Variants in DAB1 observed in about 807,000 individuals in gnomAD.
The protein encoded by DAB1 is DAB adaptor protein 1, also known as disabled homolog 1.
A neutral mutation model predicts 64.6 loss-of-function variants in DAB1; 15 were observed. That is an observed-to-expected ratio of 0.23 (90% CI 0.16 to 0.36). DAB1 has a LOEUF of 0.36. Ranked by LOEUF, DAB1 falls within the 10% of genes least tolerant of loss-of-function variation. DAB1 has a pLI of 1.00. For missense variants in DAB1, 596 were observed against 706.7 expected (o/e 0.84, Z 1.78); for synonymous variants, 235 against 251.9 (o/e 0.93, Z 0.64).
intron 5 of DAB1, among the ~76,000 whole-genome samples, chr1:58,075,262 G>T (rs968975126): frequency 6.6e-6 from 1 of 152,162 alleles, no homozygotes; most frequent in South Asian, 2.1e-4. Flanking sequence ...AGTTAGTAAA[G>T]TCTGTTCAAA....
chr1:57,298,463 C>T (rs1482841370), intron 1 of DAB1, among the ~76,000 whole-genome samples: 1 of 152,146 alleles, frequency 6.6e-6, no homozygotes, highest in Admixed American at 6.5e-5. Context: ...AGCTTTAAAA[C>T]TTTGAAGCTC....
At chr1:58,416,238 C>T (rs1644718701) in intron 3 of DAB1, among the ~76,000 whole-genome samples, 1 of 152,144 alleles carries the variant, frequency 6.6e-6, no homozygotes, top group South Asian at 2.1e-4. Context: ...GAGCCTCTGG[C>T]CTGGCAGTGC....
intron 3 of DAB1, among the ~76,000 whole-genome samples, chr1:58,440,263 T>C (rs149691415): frequency 1.3e-5 from 2 of 152,364 alleles, no homozygotes; most frequent in African/African-American, 4.8e-5. Context: ...TAGTCATTTA[T>C]TCAGCACTCA....
intron 3 of DAB1, among the ~76,000 whole-genome samples, chr1:58,471,582 C>T (rs979256265): frequency 2.0e-5 from 3 of 152,238 alleles, no homozygotes; most frequent in East Asian, 1.9e-4. Flanking sequence ...AATCTCATGT[C>T]GAATTGTATG....
intron 4 of DAB1, among the ~76,000 whole-genome samples, chr1:58,208,100 C>G (rs1658372041): frequency 6.6e-6 from 1 of 152,084 alleles, no homozygotes; most frequent in Non-Finnish European, 1.5e-5. Context: ...ATCACATGAA[C>G]AGCATAGAGG....
At chr1:57,182,107 G>T (rs7549359) in intron 2 of DAB1, among the ~76,000 whole-genome samples, 1 of 152,068 alleles carries the variant, frequency 6.6e-6, no homozygotes, top group East Asian at 1.9e-4. Flanking sequence ...GGATAGTCTC[G>T]ATCTCCTGAC....
intron 5 of DAB1, among the ~76,000 whole-genome samples, chr1:58,083,352 T>TTTCA (rs1650112832): frequency 1.3e-5 from 2 of 152,208 alleles, no homozygotes; most frequent in Non-Finnish European, 2.9e-5. Flanking sequence ...TACCACAGCA[T>TTTCA]TTCAGTCTTT....
intron 4 of DAB1, among the ~76,000 whole-genome samples, chr1:57,117,961 C>A (rs2100743308): frequency 6.6e-6 from 1 of 152,292 alleles, no homozygotes; most frequent in East Asian, 1.9e-4. Flanking sequence ...TGGCTTGCTG[C>A]ATCAGGAGCC....
chr1:58,228,125 AAG>A (rs1279584928), intron 4 of DAB1, among the ~76,000 whole-genome samples: 1 of 152,198 alleles, frequency 6.6e-6, no homozygotes, highest in Non-Finnish European at 1.5e-5. Flanking sequence ...CACATGGAGT[AAG>A]AGATGGAGCA....
intron 4 of DAB1, among the ~76,000 whole-genome samples, chr1:58,301,139 A>C (rs953990145): frequency 1.7e-4 from 26 of 149,432 alleles, no homozygotes; most frequent in Non-Finnish European, 3.7e-4. Context: ...CAACCACTAG[A>C]TCACCTGTGG....
chr1:58,017,382 G>T (rs1201382), intron 5 of DAB1, among the ~76,000 whole-genome samples: 1 of 151,902 alleles, frequency 6.6e-6, no homozygotes, highest in East Asian at 1.9e-4. Flanking sequence ...CAGAGAACAA[G>T]AAAAATCCAA....
At chr1:58,474,324 T>G (rs1394982670) in intron 3 of DAB1, among the ~76,000 whole-genome samples, 1 of 152,158 alleles carries the variant, frequency 6.6e-6, no homozygotes, top group Non-Finnish European at 1.5e-5. Flanking sequence ...CTTCTGACCT[T>G]GAATCCTCAG....
chr1:57,199,016 C>T (rs941967320), intron 2 of DAB1, among the ~76,000 whole-genome samples: 1 of 152,044 alleles, frequency 6.6e-6, no homozygotes, highest in African/African-American at 2.4e-5. Flanking sequence ...GTCTTGTGAA[C>T]GTGGTTTTAA....
intron 7 of DAB1, among the ~76,000 whole-genome samples, chr1:57,613,196 T>G (rs548537426): frequency 6.6e-6 from 1 of 152,232 alleles, no homozygotes; most frequent in Non-Finnish European, 1.5e-5. Flanking sequence ...TTTATGTTTT[T>G]CCCTATCTGA....
chr1:57,539,348 G>A (rs916223535), intron 7 of DAB1, among the ~76,000 whole-genome samples: 1 of 152,116 alleles, frequency 6.6e-6, no homozygotes, highest in Non-Finnish European at 1.5e-5. Context: ...TTTGAAGTAC[G>A]GGATTCAATT....
intron 9 of DAB1, among the ~76,000 whole-genome samples, chr1:57,032,003 A>G (rs1646980095): frequency 1.3e-5 from 2 of 152,148 alleles, no homozygotes; most frequent in Non-Finnish European, 2.9e-5. Context: ...CAGTATCTCC[A>G]TCAGGCCTGT....
intron 5 of DAB1, among the ~76,000 whole-genome samples, chr1:58,012,127 G>T (rs1188008): frequency 0.59 from 89,435 of 152,048 alleles, 27,252 homozygotes; most frequent in East Asian, 0.98. Context: ...CTCTCAGGGA[G>T]ATTACAGTCT....
intron 4 of DAB1, among the ~76,000 whole-genome samples, chr1:58,337,180 A>C (rs545611898): frequency 6.6e-6 from 1 of 151,750 alleles, no homozygotes; most frequent in Non-Finnish European, 1.5e-5. Context: ...TACTCAGGAG[A>C]CTAAGGCAAT....
At chr1:57,645,182 T>C (rs1298753105) in intron 7 of DAB1, among the ~76,000 whole-genome samples, 2 of 152,140 alleles carry the variant, frequency 1.3e-5, no homozygotes, top group Non-Finnish European at 2.9e-5. Context: ...CCTACCTAAC[T>C]GAAAACATGC....
Sources: gnomAD v4.1 joint callset for allele counts (sites outside exome capture counted in the v4.1 genomes callset) on GRCh38, gnomAD v4.1.1 for gene constraint, MANE v1.5 for transcripts, NCBI Gene and HGNC (gene_info 2026-07-23, HGNC 2026-07-21) for gene names.